ROS1: variants seen among roughly 807,000 people sequenced by gnomAD.
ROS1 encodes ROS proto-oncogene 1, receptor tyrosine kinase, also known as proto-oncogene tyrosine-protein kinase ROS.
A neutral mutation model predicts 273.5 loss-of-function variants in ROS1; 263 were observed. The observed-to-expected ratio is 0.96, with a 90% confidence interval of 0.87 to 1.06. The LOEUF is 1.06. Among genes scored for constraint, ROS1 ranks in the 50% least tolerant of loss-of-function variants. The pLI, the probability that ROS1 is intolerant of heterozygous loss-of-function variation, is 0.00. For synonymous variants in ROS1, 1,008 were observed against 954.1 expected (o/e 1.06, Z -1.04); for missense variants, 2,833 against 2,751.1 (o/e 1.03, Z -0.67).
At chr6:117,318,760 A>C (rs1776085729) in intron 37 of ROS1, among the ~76,000 whole-genome samples, 1 of 152,100 alleles carries the variant, frequency 6.6e-6, no homozygotes, top group East Asian at 1.9e-4. Context: ...AGCTTTGAAG[A>C]AGACTTTGCC....
chr6:117,359,419 A>G (rs907714835), intron 24 of ROS1, among the ~76,000 whole-genome samples: 1 of 152,202 alleles, frequency 6.6e-6, no homozygotes, highest in African/African-American at 2.4e-5. Flanking sequence ...GCCAGTGGTC[A>G]CAAATCTAGT....
chr6:117,360,213 A>T, intron 23 of ROS1, 129 bp downstream of exon 23: 1 of 826,300 alleles, frequency 1.2e-6, no homozygotes, highest in Non-Finnish European at 1.9e-6. Flanking sequence ...GGTCAAAAAC[A>T]TGTTTTTGAC....
chr6:117,311,087 G>A lies in ROS1; in HGVS notation c.6148C>T (p.Leu2050Phe), dbSNP rs1775509786. Residue 2050 changes from leucine to phenylalanine, a missense_variant, in exon 40 of 44, where the codon CTT (leucine) becomes TTT (phenylalanine). By Grantham distance (22) the Leu-to-Phe change is conservative. Coordinates refer to ENST00000368507, the MANE Select transcript of ROS1 (RefSeq NM_001378902.1). ...FYGPLLTLVDLVDLCVDISKG... is the reference protein window; with the variant it reads ...FYGPLLTLVDFVDLCVDISKG... ...GAAATATCTACACACAGGTCTACAA[G>A]GTCAACCAAGGTGAGTAAAGGACCA... 2 of 1,609,272 alleles carry A rather than the reference G, an allele frequency of 1.2e-6. No homozygotes were observed.
intron 42 of ROS1, among the ~76,000 whole-genome samples, chr6:117,307,397 T>C (rs1562255590): frequency 2.0e-5 from 3 of 152,146 alleles, no homozygotes; most frequent in African/African-American, 7.2e-5. Context: ...TGGCAAAAAT[T>C]TCTGAGTGTT....
At chr6:117,406,302 A>C (rs1476918733) in intron 5 of ROS1, among the ~76,000 whole-genome samples, 2 of 152,142 alleles carry the variant, frequency 1.3e-5, no homozygotes, top group African/African-American at 4.8e-5. Flanking sequence ...ATGTGAAAAG[A>C]GATATGGGAG....
intron 27 of ROS1, among the ~76,000 whole-genome samples, chr6:117,347,467 A>G (rs553867070): frequency 5.3e-5 from 8 of 152,192 alleles, no homozygotes; most frequent in East Asian, 1.9e-4. Flanking sequence ...CTTTTTGTCA[A>G]TTCTTTCAGA....
intron 29 of ROS1, 95 bp downstream of exon 29, chr6:117,342,305 C>T: frequency 8.2e-7 from 1 of 1,223,106 alleles, no homozygotes; most frequent in Non-Finnish European, 1.1e-6. Context: ...ACTAAAATTA[C>T]TTCGCATTCA....
intron 33 of ROS1, 82 bp downstream of exon 33, chr6:117,329,247 C>T (rs1776873794): frequency 1.4e-6 from 1 of 702,066 alleles, no homozygotes; most frequent in East Asian, 2.5e-5. Flanking sequence ...AATACATTTG[C>T]ATAAATAGTG....
intron 27 of ROS1, among the ~76,000 whole-genome samples, chr6:117,349,957 T>C (rs1389074748): frequency 6.6e-6 from 1 of 152,018 alleles, no homozygotes; most frequent in African/African-American, 2.4e-5. Flanking sequence ...TATGCACACA[T>C]ACATACATAA....
At chr6:117,416,503 A>T (rs1194831604) in intron 2 of ROS1, among the ~76,000 whole-genome samples, 186 bp from the exon 3 acceptor site, 1 of 152,212 alleles carries the variant, frequency 6.6e-6, no homozygotes, top group African/African-American at 2.4e-5. Context: ...TCCTATCTAC[A>T]GGTAGAACAA....
intron 39 of ROS1, among the ~76,000 whole-genome samples, chr6:117,313,697 A>G (rs1466583443): frequency 2.0e-5 from 3 of 152,204 alleles, no homozygotes; most frequent in Non-Finnish European, 4.4e-5. Context: ...GCTGCAGTCA[A>G]TTCTTAGGCA....
chr6:117,318,011 G>A (rs1208761327), intron 38 of ROS1, among the ~76,000 whole-genome samples, 177 bp downstream of exon 38: 1 of 152,104 alleles, frequency 6.6e-6, no homozygotes, highest in Non-Finnish European at 1.5e-5. Flanking sequence ...CCTGTACCCA[G>A]GCTCAGAAGA....
intron 19 of ROS1, 80 bp downstream of exon 19, chr6:117,365,996 G>GA (rs922846785): frequency 1.6e-3 from 1,915 of 1,235,054 alleles, no homozygotes; most frequent in Non-Finnish European, 1.9e-3. Context: ...TAATTCTTAA[G>GA]AAAAAAAAAT....
intron 43 of ROS1, among the ~76,000 whole-genome samples, chr6:117,297,227 T>C (rs1423736955): frequency 6.6e-6 from 1 of 152,092 alleles, no homozygotes; most frequent in Non-Finnish European, 1.5e-5. Flanking sequence ...CAAAGATGGA[T>C]TAAAGACTTA....
At chr6:117,421,935 C>G (rs1775791739) in intron 1 of ROS1, among the ~76,000 whole-genome samples, 1 of 152,244 alleles carries the variant, frequency 6.6e-6, no homozygotes, top group East Asian at 1.9e-4. Flanking sequence ...ATTACAGAAA[C>G]AGTCACCCCA....
rs193246146 is a variant in ROS1, at chr6:117,383,618, A to T, written c.2290-110T>A. 723 of 867,282 alleles carry T rather than the reference A, an allele frequency of 8.3e-4. 3 individuals are homozygous for T. The highest frequency in any genetic ancestry group is 7.0e-4 in the Non-Finnish European group (377 of 538,416). The allele number at this position is 867,282 out of a possible 1,614,324, so 53.7% of individuals were successfully genotyped here. On this transcript the variant is annotated intron_variant, in intron 16 of 43. Transcript: ENST00000368507. Reference sequence around the variant, plus strand: ...GCTTGATTAATCATTCATTCATTCAACCACAAATAGTGATTGGCACTATGT... The same window carrying T: ...GCTTGATTAATCATTCATTCATTCATCCACAAATAGTGATTGGCACTATGT...
At chr6:117,294,046 A>G (rs1271156043) in intron 43 of ROS1, among the ~76,000 whole-genome samples, 1 of 152,144 alleles carries the variant, frequency 6.6e-6, no homozygotes, top group Non-Finnish European at 1.5e-5. Flanking sequence ...AACAGACTGA[A>G]AGACAAAAAC....
intron 37 of ROS1, 41 bp downstream of exon 37, chr6:117,319,827 T>C (rs1347066323): frequency 1.3e-6 from 2 of 1,555,382 alleles, no homozygotes; most frequent in Non-Finnish European, 1.8e-6. Context: ...TTTGTAGATA[T>C]GGTGATATAA....
At chr6:117,329,492 A>C in intron 32 of ROS1, 46 bp from the exon 33 acceptor site, 1 of 878,748 alleles carries the variant, frequency 1.1e-6, no homozygotes, top group East Asian at 2.4e-5. Flanking sequence ...TTGAAGTATT[A>C]ATCTTCTGCA....
Sources: allele counts gnomAD v4.1 joint callset (sites outside exome capture counted in the v4.1 genomes callset), GRCh38; gene constraint gnomAD v4.1.1; transcripts MANE v1.5; gene names NCBI Gene and HGNC (gene_info 2026-07-23, HGNC 2026-07-21).